The following ACOXL variants were observed in gnomAD, a reference collection of about 807,000 sequenced individuals.
The protein encoded by ACOXL is acyl-CoA oxidase like, also known as acyl-coenzyme A oxidase-like protein.
Under a neutral mutation model 71.9 loss-of-function variants are expected in ACOXL, and 70 were observed. That is an observed-to-expected ratio of 0.97 (90% CI 0.80 to 1.19). The LOEUF (loss-of-function observed/expected upper bound fraction) is 1.19. Ranked by LOEUF, ACOXL falls within the 50% of genes most tolerant of loss-of-function variation. ACOXL has a pLI of 0.00. For synonymous variants in ACOXL, 253 were observed against 281.6 expected, an observed-to-expected ratio of 0.90 and a Z score of 1.02; for missense variants, 703 against 736.3, an observed-to-expected ratio of 0.95 and a Z score of 0.52.
rs1283714086 is a variant in ACOXL at position 110,801,704 on chromosome 2, C to T, written c.600C>T (p.Pro200=). The change falls in exon 8 of 18, where the codon CCC becomes CCT. Residue 200 remains proline (P), a synonymous_variant. Coordinates refer to ENST00000439055, the MANE Select transcript of ACOXL (RefSeq NM_001142807.4). ...TAATATTTGACAAGGTTCGGATACCCAGGGAGAACCTGCTGGATAAGTGAG... is the reference window on the plus strand; with the variant it reads ...TAATATTTGACAAGGTTCGGATACCTAGGGAGAACCTGCTGGATAAGTGAG... ...GILIFDKVRI[P]RENLLDKFGS... is the part of the protein sequence containing the mutation. 2.5e-6 allele frequency: 4 copies of T among 1,613,924 alleles called. No homozygotes were observed. The African/African-American group carries it at 4.0e-5, about 16-fold the overall frequency.
chr2:111,027,556 G>T (rs542431063), intron 14 of ACOXL, among the ~76,000 whole-genome samples: 3 of 151,846 alleles, frequency 2.0e-5, no homozygotes, highest in Non-Finnish European at 2.9e-5. Context: ...TCCTGACCTC[G>T]TGATCTGCCC....
At chr2:111,010,727 T>C (rs111710681) in intron 14 of ACOXL, among the ~76,000 whole-genome samples, 1 of 152,102 alleles carries the variant, frequency 6.6e-6, no homozygotes, top group Non-Finnish European at 1.5e-5. Flanking sequence ...CAAGAAATAA[T>C]GGTAGAATGA....
At chr2:111,044,848 T>C (rs971684007) in intron 15 of ACOXL, among the ~76,000 whole-genome samples, 6 of 152,202 alleles carry the variant, frequency 3.9e-5, no homozygotes. Flanking sequence ...GAAACCTGTT[T>C]CATGCTGCTC....
intron 12 of ACOXL, among the ~76,000 whole-genome samples, chr2:110,940,039 T>C (rs1183118389): frequency 6.6e-6 from 1 of 152,364 alleles, no homozygotes; most frequent in Admixed American, 6.5e-5. Flanking sequence ...GTAAAAGGTA[T>C]GCTTTCCTTT....
chr2:110,965,891 T>C (rs4849301), intron 12 of ACOXL, among the ~76,000 whole-genome samples: 53,011 of 151,974 alleles, frequency 0.35, 10,389 homozygotes, highest in Middle Eastern at 0.51. Flanking sequence ...ATCCCCTGTA[T>C]CTCTAATAGG....
chr2:110,816,332 A>G (rs1170023311), intron 9 of ACOXL, among the ~76,000 whole-genome samples: 1 of 152,320 alleles, frequency 6.6e-6, no homozygotes, highest in Non-Finnish European at 1.5e-5. Flanking sequence ...TTGGTAGAGA[A>G]TAAGTCAGTC....
chr2:110,957,089 G>C (rs763328348), intron 12 of ACOXL, among the ~76,000 whole-genome samples: 1 of 151,910 alleles, frequency 6.6e-6, no homozygotes, highest in African/African-American at 2.4e-5. Flanking sequence ...TCCTGCTTAG[G>C]AATAAAGTAA....
intron 1 of ACOXL, among the ~76,000 whole-genome samples, chr2:110,766,789 G>C (rs574437055): frequency 6.6e-6 from 1 of 152,280 alleles, no homozygotes; most frequent in African/African-American, 2.4e-5. Flanking sequence ...GCTGGGTATA[G>C]ATGGCCACTA....
In ACOXL at chr2:111,040,435, C is replaced by G. The variant is rs149215537; in HGVS notation, c.1369+8721C>G. Among the ~76,000 whole-genome samples the G allele has an allele frequency of 4.0e-3, 609 of 152,332 alleles. 2 individuals are homozygous for G. Among genetic ancestry groups the G allele is most frequent in the Non-Finnish European group, 5.2e-3 (354 of 68,034 alleles). On this transcript the variant is annotated intron_variant, in intron 15 of 17. Transcript: ENST00000439055. ...GGAAACAATCCTGATGTGGAGCACC[C>G]TTCCTCATTCCCTTATCCACCCTTC... is the stretch of plus-strand genomic sequence containing the variant.
Position 111,074,840 on chromosome 2 carries a change from T to A in ACOXL, c.1441-18025T>A, listed in dbSNP as rs533012359. Among the ~76,000 whole-genome samples the A allele has an allele frequency of 2.2e-4, 33 of 152,278 alleles. No homozygotes were observed. The South Asian group carries it at 5.6e-3, about 26-fold the overall frequency. ...AAACTCCTGGGTTCAAGTGATCCACTCACCTTGTCCTCCCAAAGTGCTGGG... is the reference window on the plus strand; with the variant it reads ...AAACTCCTGGGTTCAAGTGATCCACACACCTTGTCCTCCCAAAGTGCTGGG... On this transcript the variant is annotated intron_variant, in intron 16 of 17. Transcript: ENST00000439055.
chr2:110,860,072 T>C (rs191137528), intron 10 of ACOXL, among the ~76,000 whole-genome samples: 113 of 152,312 alleles, frequency 7.4e-4, no homozygotes, highest in Non-Finnish European at 1.2e-3. Flanking sequence ...CAGTATAAGA[T>C]TTCCATTTGT....
At chr2:110,894,221 G>T (rs2058908762) in intron 10 of ACOXL, among the ~76,000 whole-genome samples, 1 of 151,714 alleles carries the variant, frequency 6.6e-6, no homozygotes, top group South Asian at 2.1e-4. Context: ...ACTTTGAAAG[G>T]TGGAGACAAG....
At chr2:110,896,416 A>G (rs2059009368) in intron 10 of ACOXL, among the ~76,000 whole-genome samples, 1 of 152,186 alleles carries the variant, frequency 6.6e-6, no homozygotes, top group African/African-American at 2.4e-5. Flanking sequence ...CAAATAATTC[A>G]GTTAAAAAAT....
chr2:110,788,450 AAG>A (rs1234365345), intron 3 of ACOXL, among the ~76,000 whole-genome samples: 1 of 152,170 alleles, frequency 6.6e-6, no homozygotes, highest in African/African-American at 2.4e-5. Context: ...ATAAAGACAG[AAG>A]GTAGATTAGA....
chr2:110,800,697 G>A (rs1267592997), intron 7 of ACOXL, among the ~76,000 whole-genome samples: 7 of 152,152 alleles, frequency 4.6e-5, no homozygotes, highest in Non-Finnish European at 8.8e-5. Flanking sequence ...TAGTGGAGGG[G>A]ACAGTCCATC....
chr2:110,749,301 A>G (rs1409317259), intron 1 of ACOXL, among the ~76,000 whole-genome samples: 3 of 152,222 alleles, frequency 2.0e-5, no homozygotes, highest in African/African-American at 7.2e-5. Context: ...TCTTTTTAAA[A>G]TAAACTTTTT....
chr2:111,065,289 A>G (rs2067011478), intron 16 of ACOXL, among the ~76,000 whole-genome samples: 1 of 152,224 alleles, frequency 6.6e-6, no homozygotes, highest in South Asian at 2.1e-4. Context: ...GGAATACTTG[A>G]ACATCCATAG....
intron 13 of ACOXL, among the ~76,000 whole-genome samples, chr2:110,992,717 A>T (rs879753063): frequency 3.9e-5 from 6 of 152,186 alleles, no homozygotes; most frequent in Non-Finnish European, 7.3e-5. Flanking sequence ...GGCTCTGCAG[A>T]TAGCCCCATT....
At chr2:110,837,205 T>A (rs184373990) in intron 9 of ACOXL, among the ~76,000 whole-genome samples, 2 of 152,224 alleles carry the variant, frequency 1.3e-5, no homozygotes, top group East Asian at 3.9e-4. Context: ...CTGGAGCCGG[T>A]GCTTCCTGGT....
Sources: allele counts gnomAD v4.1 joint callset (sites outside exome capture counted in the v4.1 genomes callset), GRCh38; gene constraint gnomAD v4.1.1; transcripts MANE v1.5; gene names NCBI Gene and HGNC (gene_info 2026-07-23, HGNC 2026-07-21).